The following CYB5R4 variants were observed in gnomAD, a reference collection of about 807,000 sequenced individuals.
CYB5R4 encodes cytochrome b5 reductase 4.
A neutral mutation model predicts 70.2 loss-of-function variants in CYB5R4; 55 were observed. The observed-to-expected ratio is 0.78, with a 90% confidence interval of 0.63 to 0.98. CYB5R4 has a LOEUF of 0.98. Among genes scored for constraint, CYB5R4 ranks in the 50% least tolerant of loss-of-function variants. CYB5R4 has a pLI of 0.00. For missense variants in CYB5R4, 562 were observed against 612.6 expected (o/e 0.92, Z 0.87); for synonymous variants, 197 against 199.5 (o/e 0.99, Z 0.11).
At chr6:83,860,308 C>T (rs1337085011) in intron 1 of CYB5R4, among the ~76,000 whole-genome samples, 1 of 152,060 alleles carries the variant, frequency 6.6e-6, no homozygotes, top group East Asian at 1.9e-4. Context: ...CGACAGTGAC[C>T]GTCCGTGCAA....
At chr6:83,901,005 T>C (rs1310806637) in intron 3 of CYB5R4, among the ~76,000 whole-genome samples, 2 of 152,252 alleles carry the variant, frequency 1.3e-5, no homozygotes, top group African/African-American at 4.8e-5. Context: ...TTTGATCCTG[T>C]CAAATGTTAG....
At chr6:83,895,206 C>G (rs1229431456) in intron 3 of CYB5R4, among the ~76,000 whole-genome samples, 1 of 152,106 alleles carries the variant, frequency 6.6e-6, no homozygotes, top group African/African-American at 2.4e-5. Context: ...CGCTCTGTCC[C>G]CCAGGCTGGA....
rs1443492839 is a variant in CYB5R4 at position 83,966,216 on chromosome 6, T to C, written c.*6338T>C. On this transcript the variant is annotated 3_prime_UTR_variant, in exon 16 of 16. Transcript: ENST00000369681. ...CTGTGGTTATGGTTGCACATACTTA[T>C]GAATATACCTAAAAATGTTGAATTG... is the stretch of plus-strand genomic sequence containing the variant. The C allele has an allele frequency of 2.0e-5, 3 of 152,196 alleles. No homozygotes were observed. The highest frequency in any genetic ancestry group is 4.8e-5 in the African/African-American group (2 of 41,450). 9.4% of individuals were successfully genotyped at this position (152,196 alleles called of 1,614,324 possible).
chr6:83,948,154 A>T (rs1032120953), intron 14 of CYB5R4, among the ~76,000 whole-genome samples: 3 of 152,208 alleles, frequency 2.0e-5, no homozygotes, highest in African/African-American at 7.2e-5. Context: ...GATAAAGAAA[A>T]TGTGGCACAT....
intron 1 of CYB5R4, among the ~76,000 whole-genome samples, chr6:83,861,794 T>C (rs545611618): frequency 6.6e-6 from 1 of 152,386 alleles, no homozygotes; most frequent in East Asian, 1.9e-4. Context: ...TTTTAATTAA[T>C]CTTTCTTAAA....
chr6:83,932,868 G>A (rs909071064), intron 10 of CYB5R4, among the ~76,000 whole-genome samples: 1 of 152,132 alleles, frequency 6.6e-6, no homozygotes, highest in African/African-American at 2.4e-5. Context: ...TAAGAGTGCA[G>A]GTCTCATTCC....
intron 3 of CYB5R4, among the ~76,000 whole-genome samples, chr6:83,902,867 A>G (rs1006101058): frequency 6.6e-6 from 1 of 151,948 alleles, no homozygotes; most frequent in Non-Finnish European, 1.5e-5. Flanking sequence ...TGAGTTTTGT[A>G]TGTTGATTTT....
At chr6:83,943,627 G>C (rs1221543377) in intron 14 of CYB5R4, among the ~76,000 whole-genome samples, 1 of 152,070 alleles carries the variant, frequency 6.6e-6, no homozygotes, top group Non-Finnish European at 1.5e-5. Context: ...TTGACAAATT[G>C]ACAGAAGTAG....
chr6:83,930,783 G>GAA (rs34692502), intron 10 of CYB5R4, among the ~76,000 whole-genome samples: 11 of 140,964 alleles, frequency 7.8e-5, no homozygotes, highest in East Asian at 2.0e-4. Context: ...CTTACTATGT[G>GAA]AAAAAAAAAA....
At chr6:83,889,059 A>G (rs1405650806) in intron 2 of CYB5R4, among the ~76,000 whole-genome samples, 1 of 152,220 alleles carries the variant, frequency 6.6e-6, no homozygotes, top group African/African-American at 2.4e-5. Flanking sequence ...GAGGTGAGGA[A>G]GCTGTGGAAG....
rs1177704380 is a variant in CYB5R4, at chr6:83,961,401, G to A, written c.*1523G>A. The A allele has an allele frequency of 1.3e-5, 2 of 151,724 alleles. No homozygotes were observed. Among genetic ancestry groups the A allele is most frequent in the African/African-American group, 2.4e-5 (1 of 41,272 alleles). The allele number at this position is 151,724 out of a possible 1,614,324, so 9.4% of individuals were successfully genotyped here. A position where few individuals can be genotyped will look rare whatever the true frequency, so the allele number is the denominator to read the frequency against. ...TCTCAAATTGTAATTCCCACATGTC[G>A]AGGGAGGGTCTTGGTGGGAGGTGAT... On this transcript the variant is annotated 3_prime_UTR_variant, in exon 16 of 16. Transcript: ENST00000369681.
intron 6 of CYB5R4, among the ~76,000 whole-genome samples, chr6:83,918,581 G>T (rs1042887111): frequency 6.6e-6 from 1 of 151,868 alleles, no homozygotes; most frequent in Non-Finnish European, 1.5e-5. Flanking sequence ...ATGCCATAAT[G>T]TATTTAAATA....
At chr6:83,908,858 A>G (rs186144753) in intron 3 of CYB5R4, 151 bp from the exon 4 acceptor site, 88 of 605,814 alleles carry the variant, frequency 1.5e-4, no homozygotes, top group Admixed American at 7.5e-4. Context: ...CAGCCTTTCT[A>G]TCACACCCTG....
At chr6:83,950,895 C>T (rs2099471419) in intron 14 of CYB5R4, among the ~76,000 whole-genome samples, 1 of 152,044 alleles carries the variant, frequency 6.6e-6, no homozygotes, top group Admixed American at 6.6e-5. Context: ...TACATTTCTA[C>T]TCATTGTATT....
Position 83,967,320 on chromosome 6 carries a change from G to A in CYB5R4, c.*7442G>A, listed in dbSNP as rs770737853. 6.6e-6 allele frequency: 1 copy of A among 152,138 alleles called. No individual in the cohort carries two copies. Among genetic ancestry groups the A allele is most frequent in the Non-Finnish European group, 1.5e-5 (1 of 68,034 alleles). 9.4% of individuals were successfully genotyped at this position (152,138 alleles called of 1,614,324 possible). ...TGAGAGTTAAAAAAGAAAGAGTATA[G>A]GTATATGCTAAACTATTTCAGTAGT... On this transcript the variant is annotated 3_prime_UTR_variant, in exon 16 of 16. Coordinates refer to ENST00000369681, the MANE Select transcript of CYB5R4 (RefSeq NM_016230.4).
At chr6:83,902,103 G>C (rs1039957960) in intron 3 of CYB5R4, among the ~76,000 whole-genome samples, 1 of 152,130 alleles carries the variant, frequency 6.6e-6, no homozygotes, top group Non-Finnish European at 1.5e-5. Flanking sequence ...TTAGACCAAT[G>C]TCATGAAGTG....
chr6:83,923,780 T>G (rs1453082715), intron 9 of CYB5R4, among the ~76,000 whole-genome samples: 1 of 152,074 alleles, frequency 6.6e-6, no homozygotes, highest in Non-Finnish European at 1.5e-5. Flanking sequence ...CTGAATTTAG[T>G]CATCAGAATC....
At chr6:83,932,787 A>G (rs1022916477) in intron 10 of CYB5R4, among the ~76,000 whole-genome samples, 1 of 152,154 alleles carries the variant, frequency 6.6e-6, no homozygotes, top group African/African-American at 2.4e-5. Context: ...ACGTTAATGT[A>G]TCCACACCCA....
At chr6:83,925,702 A>G (rs534714551) in intron 10 of CYB5R4, among the ~76,000 whole-genome samples, 4 of 152,294 alleles carry the variant, frequency 2.6e-5, no homozygotes, top group Admixed American at 2.6e-4. Flanking sequence ...TCTTTTCAAT[A>G]TGGAAACTTA....
Sources: gnomAD v4.1 joint callset for allele counts (sites outside exome capture counted in the v4.1 genomes callset) on GRCh38, gnomAD v4.1.1 for gene constraint, MANE v1.5 for transcripts, NCBI Gene and HGNC (gene_info 2026-07-23, HGNC 2026-07-21) for gene names.